Variants in RBPJ observed in about 807,000 individuals in gnomAD.
RBPJ encodes recombining binding protein suppressor of hairless.
RBPJ carries 9 observed loss-of-function variants against 67.8 expected under a neutral mutation model. The observed-to-expected ratio is 0.13, with a 90% CI of 0.08 to 0.23. The LOEUF is 0.23. Among genes scored for constraint, RBPJ ranks in the 10% least tolerant of loss-of-function variants. The pLI is 1.00. For synonymous variants in RBPJ, 198 were observed against 203.3 expected, an observed-to-expected ratio of 0.97 and a Z score of 0.22; for missense variants, 305 against 595.6, an observed-to-expected ratio of 0.51 and a Z score of 5.08.
chr4:26,377,809 T>G (rs193255835), intron 1 of RBPJ, among the ~76,000 whole-genome samples: 122 of 152,348 alleles, frequency 8.0e-4, no homozygotes, highest in African/African-American at 2.8e-3. Flanking sequence ...GGTCATCAGT[T>G]GATGTGTAGA....
At chr4:26,119,000 A>G in the RBPJ span, among the ~76,000 whole-genome samples, 1 of 152,228 alleles carries the variant, frequency 6.6e-6, no homozygotes, top group Admixed American at 6.5e-5. Flanking sequence ...AGCTGGGTAC[A>G]AAGTCCAGCT....
the RBPJ span, among the ~76,000 whole-genome samples, chr4:26,121,673 A>G: frequency 2.0e-5 from 3 of 152,122 alleles, no homozygotes; most frequent in Non-Finnish European, 4.4e-5. Context: ...TCTTAACCAA[A>G]ATGGAAAAAA....
intron 1 of RBPJ, among the ~76,000 whole-genome samples, chr4:26,206,767 A>C (rs1203365564): frequency 6.6e-6 from 1 of 152,206 alleles, no homozygotes; most frequent in East Asian, 1.9e-4. Context: ...AAAAAAAAAA[A>C]AAATCCTGGC....
intron 1 of RBPJ, among the ~76,000 whole-genome samples, chr4:26,348,905 C>A (rs1376325441): frequency 1.3e-5 from 2 of 152,060 alleles, no homozygotes; most frequent in African/African-American, 4.8e-5. Context: ...AAGAGTCTCA[C>A]TATGTTGCTC....
intron 1 of RBPJ, among the ~76,000 whole-genome samples, chr4:26,208,679 G>T (rs1442657611): frequency 6.6e-6 from 1 of 152,106 alleles, no homozygotes; most frequent in South Asian, 2.1e-4. Context: ...CAATTTTCTT[G>T]CTTAATTTTG....
rs1268188259 is a variant in RBPJ at position 26,244,186 on chromosome 4, T to TATATATATGTATAC, written c.-167+80573_-167+80574insTATATATGTATACA. Among the ~76,000 whole-genome samples the TATATATATGTATAC allele has an allele frequency of 1.6e-5, 2 of 124,616 alleles. 1 individual carries two copies. The highest frequency in any genetic ancestry group is 3.6e-5 in the Non-Finnish European group (2 of 54,944). The allele number at this position is 124,616 out of a possible 152,430, so 81.8% of individuals were successfully genotyped here. On this transcript the variant is annotated intron_variant, in intron 1 of 4. Transcript: ENST00000512351. ...ATATATATGTATACACATATATGTA[T>TATATATATGTATAC]ACATATATGTGTCTATATATGTATA...
the RBPJ span, among the ~76,000 whole-genome samples, chr4:26,153,675 G>A: frequency 1.3e-5 from 2 of 152,258 alleles, no homozygotes; most frequent in Middle Eastern, 6.8e-3. Flanking sequence ...TGTTATGAAG[G>A]CACACACAGC....
At chr4:26,300,106 G>C (rs1263261412) in intron 1 of RBPJ, among the ~76,000 whole-genome samples, 2 of 152,178 alleles carry the variant, frequency 1.3e-5, no homozygotes, top group African/African-American at 4.8e-5. Context: ...GAAGCAGAAA[G>C]ATGGCATCGC....
At chr4:26,376,773 A>G (rs1051011683) in intron 1 of RBPJ, among the ~76,000 whole-genome samples, 2 of 152,152 alleles carry the variant, frequency 1.3e-5, no homozygotes, top group African/African-American at 4.8e-5. Context: ...ACTTTTCCCC[A>G]TATCCTTGCC....
intron 1 of RBPJ, among the ~76,000 whole-genome samples, chr4:26,338,351 T>C (rs1725120348): frequency 6.6e-6 from 1 of 151,840 alleles, no homozygotes; most frequent in African/African-American, 2.4e-5. Flanking sequence ...AGACAGGGCT[T>C]CACCATGTTG....
At chr4:26,159,312 C>A (rs1716034228), upstream of RBPJ, among the ~76,000 whole-genome samples, 1 of 152,146 alleles carries the variant, frequency 6.6e-6, no homozygotes, top group Non-Finnish European at 1.5e-5. Flanking sequence ...TGATTTGAGT[C>A]CAGACTTGTT....
At chr4:26,296,295 C>G (rs935749993) in intron 1 of RBPJ, among the ~76,000 whole-genome samples, 41 of 152,132 alleles carry the variant, frequency 2.7e-4, no homozygotes, top group African/African-American at 9.7e-4. Context: ...TAACAATGCT[C>G]TTTTTTTCTT....
chr4:26,149,403 A>T, the RBPJ span, among the ~76,000 whole-genome samples: 2 of 152,200 alleles, frequency 1.3e-5, no homozygotes, highest in Non-Finnish European at 2.9e-5. Context: ...ACTATCATCG[A>T]TAATAGTACT....
upstream of RBPJ, among the ~76,000 whole-genome samples, chr4:26,162,487 C>T (rs1716108854): frequency 6.6e-6 from 1 of 152,240 alleles, no homozygotes; most frequent in African/African-American, 2.4e-5. Flanking sequence ...GTCACTGATG[C>T]ATTCAATGTT....
At chr4:26,170,579 A>C (rs1365769303) in intron 1 of RBPJ, among the ~76,000 whole-genome samples, 2 of 152,148 alleles carry the variant, frequency 1.3e-5, no homozygotes, top group African/African-American at 2.4e-5. Flanking sequence ...AAATCCAGAA[A>C]AGAATATCTC....
intron 1 of RBPJ, among the ~76,000 whole-genome samples, chr4:26,237,484 A>G (rs187505465): frequency 2.0e-5 from 3 of 152,368 alleles, no homozygotes; most frequent in East Asian, 1.9e-4. Flanking sequence ...AAGAAAAATT[A>G]GAAGGAAAAT....
At chr4:26,315,001 C>T (rs922473110), upstream of RBPJ, among the ~76,000 whole-genome samples, 6 of 150,964 alleles carry the variant, frequency 4.0e-5, no homozygotes, top group Admixed American at 2.0e-4. Flanking sequence ...AAAAATTAGC[C>T]GGGTGTGGTA....
chr4:26,281,526 C>T lies in RBPJ; in HGVS notation c.-166-80920C>T, dbSNP rs985660147. On this transcript the variant is annotated intron_variant, in intron 1 of 4. Coordinates refer to the RBPJ transcript ENST00000512351. ...AACTCTTGACCTCAGGCGATCCACT[C>T]GCCTCAGCCTCCCAAAGTGCTGGGA... 1.3e-4 allele frequency among the ~76,000 whole-genome samples: 20 copies of T among 152,252 alleles called. No homozygotes were observed. In the East Asian group the frequency reaches 3.3e-3, roughly 25 times the overall value.
chr4:26,123,676 A>G, the RBPJ span, among the ~76,000 whole-genome samples: 1 of 152,190 alleles, frequency 6.6e-6, no homozygotes, highest in Admixed American at 6.5e-5. Context: ...CCCTTATTCT[A>G]TAAGCTATTT....
Sources: allele counts gnomAD v4.1 joint callset (sites outside exome capture counted in the v4.1 genomes callset), GRCh38; gene constraint gnomAD v4.1.1; transcripts MANE v1.5; gene names NCBI Gene and HGNC (gene_info 2026-07-23, HGNC 2026-07-21).